The following MACROD2 variants were observed in gnomAD, a reference collection of about 807,000 sequenced individuals.
MACROD2 encodes ADP-ribose glycohydrolase MACROD2.
A neutral mutation model predicts 70.4 loss-of-function variants in MACROD2; 36 were observed. The ratio of observed to expected loss-of-function variants is 0.51; its 90% CI spans 0.39 to 0.68. The LOEUF is 0.68. Ranked by LOEUF, MACROD2 falls within the 30% of genes least tolerant of loss-of-function variation. The probability of loss-of-function intolerance (pLI) is 0.00; values close to 1 mark genes in which losing one functional copy is unlikely to be tolerated. For synonymous variants in MACROD2, 172 were observed against 178.8 expected (o/e 0.96, Z 0.30); for missense variants, 496 against 538.4 (o/e 0.92, Z 0.78).
intron 4 of MACROD2, among the ~76,000 whole-genome samples, chr20:14,635,387 T>G (rs1444643177): frequency 2.0e-5 from 3 of 152,130 alleles, no homozygotes; most frequent in Admixed American, 2.0e-4. Flanking sequence ...GTCACTAAAA[T>G]GCTCCATTTT....
At chr20:15,725,039 G>A (rs1005250803) in intron 8 of MACROD2, among the ~76,000 whole-genome samples, 5 of 152,016 alleles carry the variant, frequency 3.3e-5, no homozygotes, top group Non-Finnish European at 7.4e-5. Flanking sequence ...CCGAGATCAC[G>A]CCACTCCACT....
intron 8 of MACROD2, among the ~76,000 whole-genome samples, chr20:15,584,263 T>G (rs1031762759): frequency 1.3e-5 from 2 of 152,198 alleles, no homozygotes; most frequent in African/African-American, 4.8e-5. Context: ...CTACAGTCTA[T>G]TCTTACAGAA....
chr20:14,757,464 G>A lies in MACROD2; in HGVS notation c.418+72505G>A, dbSNP rs545361134. The A allele has an allele frequency of 1.0e-4, 51 of 486,118 alleles. No individual in the cohort carries two copies. The South Asian group carries it at 1.1e-3, about 10-fold the overall frequency. The allele number at this position is 486,118 out of a possible 1,614,324, so 30.1% of individuals were successfully genotyped here. A position where few individuals can be genotyped will look rare whatever the true frequency, so the allele number is the denominator to read the frequency against. ...AAAAAGTACAACTTTGGACAATAAC[G>A]TTATTTTTCTTAGGTAGGCATTAAA... On this transcript the variant is annotated intron_variant, in intron 5 of 17. Coordinates refer to ENST00000684519, the MANE Select transcript of MACROD2 (RefSeq NM_001351661.2).
intron 8 of MACROD2, among the ~76,000 whole-genome samples, chr20:15,856,899 C>T (rs939669392): frequency 1.3e-5 from 2 of 151,998 alleles, no homozygotes; most frequent in East Asian, 1.9e-4. Context: ...GAAGATGGGC[C>T]GGGACCAACA....
intron 5 of MACROD2, among the ~76,000 whole-genome samples, chr20:15,079,586 C>G (rs1333831423): frequency 6.6e-6 from 1 of 152,104 alleles, no homozygotes; most frequent in Non-Finnish European, 1.5e-5. Context: ...TCATCCTCCC[C>G]TTAACATTCA....
At chr20:15,469,189 T>C (rs1475885458) in intron 7 of MACROD2, among the ~76,000 whole-genome samples, 2 of 152,222 alleles carry the variant, frequency 1.3e-5, no homozygotes, top group Non-Finnish European at 2.9e-5. Context: ...AGATTACTGC[T>C]GGCTAGGAAA....
chr20:15,827,237 C>T (rs2064006869), intron 8 of MACROD2, among the ~76,000 whole-genome samples: 1 of 152,034 alleles, frequency 6.6e-6, no homozygotes, highest in Non-Finnish European at 1.5e-5. Flanking sequence ...TCTAATTTTT[C>T]AGAATAAAGA....
At chr20:14,071,120 C>T (rs118076276) in intron 2 of MACROD2, among the ~76,000 whole-genome samples, 7 of 151,818 alleles carry the variant, frequency 4.6e-5, no homozygotes, top group African/African-American at 9.7e-5. Context: ...AATTTTAAAA[C>T]GATATTTAAG....
intron 3 of MACROD2, among the ~76,000 whole-genome samples, chr20:14,201,079 T>G (rs2093088644): frequency 1.3e-5 from 2 of 152,156 alleles, no homozygotes; most frequent in Admixed American, 6.5e-5. Context: ...GGCCTTTCAT[T>G]TATGAGATTA....
intron 5 of MACROD2, among the ~76,000 whole-genome samples, chr20:14,987,003 G>A (rs1427074161): frequency 2.0e-5 from 3 of 152,146 alleles, no homozygotes; most frequent in African/African-American, 7.2e-5. Flanking sequence ...ATACAAATGA[G>A]GAGTGGCATC....
intron 6 of MACROD2, among the ~76,000 whole-genome samples, chr20:15,263,761 T>A (rs1210351158): frequency 5.9e-5 from 9 of 152,164 alleles, no homozygotes. Flanking sequence ...TTTGGCTAAG[T>A]TAGTTCCTAG....
At chr20:14,498,672 C>T (rs73901262) in intron 4 of MACROD2, among the ~76,000 whole-genome samples, 9,225 of 152,200 alleles carry the variant, frequency 0.061, 924 homozygotes, top group African/African-American at 0.21. Flanking sequence ...ATCCTGAAAA[C>T]AACTAATTTC....
chr20:15,678,671 A>G (rs1195211595), intron 8 of MACROD2, among the ~76,000 whole-genome samples: 1 of 152,188 alleles, frequency 6.6e-6, no homozygotes, highest in African/African-American at 2.4e-5. Flanking sequence ...AGTTCACTAT[A>G]TAATGATCCT....
intron 8 of MACROD2, among the ~76,000 whole-genome samples, chr20:15,855,662 AG>A (rs1459104623): frequency 2.0e-5 from 3 of 152,188 alleles, no homozygotes; most frequent in Non-Finnish European, 4.4e-5. Flanking sequence ...GCATTTCCCT[AG>A]GTCTCTTTGC....
chr20:14,414,074 T>TA (rs1038589729), intron 3 of MACROD2, among the ~76,000 whole-genome samples: 1 of 152,182 alleles, frequency 6.6e-6, no homozygotes, highest in African/African-American at 2.4e-5. Flanking sequence ...GTCCTGGCTT[T>TA]AAAAAACATT....
At chr20:15,504,619 A>G (rs1036320419) in intron 8 of MACROD2, among the ~76,000 whole-genome samples, 1 of 152,214 alleles carries the variant, frequency 6.6e-6, no homozygotes, top group African/African-American at 2.4e-5. Context: ...CCAGGGATCA[A>G]ACATGAGGCA....
intron 5 of MACROD2, among the ~76,000 whole-genome samples, chr20:15,122,945 T>A (rs570091502): frequency 6.6e-6 from 1 of 152,092 alleles, no homozygotes; most frequent in Non-Finnish European, 1.5e-5. Context: ...TCTTAACAAG[T>A]GTGAGTAGGT....
intron 2 of MACROD2, among the ~76,000 whole-genome samples, chr20:14,018,852 G>T (rs974423928): frequency 3.9e-5 from 6 of 152,162 alleles, no homozygotes; most frequent in Admixed American, 3.3e-4. Context: ...TTTGATAAAA[G>T]AAAAAGCTTT....
chr20:14,077,319 T>G (rs2053927331), intron 2 of MACROD2, among the ~76,000 whole-genome samples: 2 of 152,182 alleles, frequency 1.3e-5, no homozygotes, highest in Non-Finnish European at 2.9e-5. Flanking sequence ...GGCCTGTTAA[T>G]AAAATGTTCT....
Sources: gnomAD v4.1 joint callset for allele counts (sites outside exome capture counted in the v4.1 genomes callset) on GRCh38, gnomAD v4.1.1 for gene constraint, MANE v1.5 for transcripts, NCBI Gene and HGNC (gene_info 2026-07-23, HGNC 2026-07-21) for gene names.